RC3H1: variants seen among roughly 807,000 people sequenced by gnomAD.
RC3H1 encodes roquin-1.
In RC3H1, 50 loss-of-function variants were observed where a neutral mutation model predicts 138.2. That is an observed-to-expected ratio of 0.36 (90% confidence interval 0.29 to 0.46). The LOEUF (loss-of-function observed/expected upper bound fraction) is 0.46, where lower values mean the gene tolerates loss of function less well. Among genes scored for constraint, RC3H1 ranks in the 20% least tolerant of loss-of-function variants. The probability of loss-of-function intolerance (pLI) is 1.00; values close to 1 mark genes in which losing one functional copy is unlikely to be tolerated. For missense variants in RC3H1, 1,031 were observed against 1,388.1 expected (o/e 0.74, Z 4.09); for synonymous variants, 462 against 489.1 (o/e 0.94, Z 0.73).
chr1:173,998,319 A>T (rs913150863), intron 1 of RC3H1, among the ~76,000 whole-genome samples: 17 of 152,174 alleles, frequency 1.1e-4, no homozygotes, highest in Non-Finnish European at 2.4e-4. Context: ...TTCCAAAAAG[A>T]TTCAAAAGAG....
intron 1 of RC3H1, among the ~76,000 whole-genome samples, chr1:174,017,305 G>A (rs1471474885): frequency 6.6e-6 from 1 of 152,184 alleles, no homozygotes; most frequent in Non-Finnish European, 1.5e-5. Context: ...ATGAGTCTAA[G>A]AGTTTGAGCA....
chr1:174,016,348 A>T (rs1038141702), intron 1 of RC3H1: 1 of 151,938 alleles, frequency 6.6e-6, no homozygotes, highest in East Asian at 1.9e-4. Context: ...AAAAAATTAC[A>T]GAAAACCAGA....
rs565586576 is a variant in RC3H1 at position 173,935,473 on chromosome 1, T to C, written c.*3248A>G. On this transcript the variant is annotated 3_prime_UTR_variant, in exon 20 of 20. Coordinates refer to ENST00000367696, the MANE Select transcript of RC3H1 (RefSeq NM_172071.4). ...GATATCTGATTTTTGCTTTGGAATT[T>C]AGTGAAATACAAATAAAGTAATATT... 92 of 152,308 alleles carry C rather than the reference T, an allele frequency of 6.0e-4. No homozygotes were observed. Among genetic ancestry groups the C allele is most frequent in the African/African-American group, 2.2e-3 (91 of 41,570 alleles). The allele number at this position is 152,308 out of a possible 1,614,324, so 9.4% of individuals were successfully genotyped here.
At chr1:173,978,143 T>C (rs1302335427) in intron 7 of RC3H1, among the ~76,000 whole-genome samples, 1 of 151,892 alleles carries the variant, frequency 6.6e-6, no homozygotes, top group Admixed American at 6.6e-5. Flanking sequence ...CAACTAAGGA[T>C]ACATAATACA....
At chr1:173,973,534 CAAAA>C (rs558441818) in intron 7 of RC3H1, among the ~76,000 whole-genome samples, 1 of 89,992 alleles carries the variant, frequency 1.1e-5, no homozygotes. Flanking sequence ...AACTCCATCT[CAAAA>C]AAAAAAAAAA....
intron 1 of RC3H1, 58 bp from the exon 2 acceptor site, chr1:173,993,193 A>T: frequency 1.8e-6 from 1 of 551,796 alleles, no homozygotes; most frequent in Non-Finnish European, 3.2e-6. Flanking sequence ...TAAACTGTTG[A>T]AAAAGAACCA....
At chr1:173,955,578 CA>C (rs1659606403) in intron 13 of RC3H1, among the ~76,000 whole-genome samples, 2 of 151,844 alleles carry the variant, frequency 1.3e-5, no homozygotes, top group South Asian at 2.1e-4. Context: ...TGTAGCCTCC[CA>C]AAGTGCTGGG....
chr1:173,993,246 T>G (rs904793852), intron 1 of RC3H1, 111 bp from the exon 2 acceptor site: 11 of 449,438 alleles, frequency 2.4e-5, no homozygotes, highest in Non-Finnish European at 4.4e-5. Context: ...CACATTTGTA[T>G]CACTGTAATC....
chr1:173,955,896 C>T (rs1055344788), intron 13 of RC3H1, among the ~76,000 whole-genome samples: 3 of 151,938 alleles, frequency 2.0e-5, no homozygotes, highest in Non-Finnish European at 2.9e-5. Context: ...TTTGGGAGGC[C>T]GAGGTGGCTA....
At position 173,980,883 on chromosome 1, in the gene RC3H1, C is replaced by A; in HGVS notation, c.895G>T (p.Ala299Ser). The A allele has an allele frequency of 6.2e-7, 1 of 1,614,096 alleles. No homozygotes were observed. The change falls in exon 6 of 20, where the codon GCA becomes TCA. Residue 299 changes from alanine (A) to serine (S), a missense_variant. By Grantham distance (99) the Ala-to-Ser change is moderately conservative (BLOSUM62 1). Transcript: ENST00000367696. Reference sequence around the variant, plus strand: ...AGCAAAGAGGACCACTGGTCCGGTGCAATTCGTAAGCCTGCTTCCATAGCA... The same window carrying A: ...AGCAAAGAGGACCACTGGTCCGGTGAAATTCGTAAGCCTGCTTCCATAGCA... ...QIAMEAGLRIAPDQWSSLLYG... is the reference protein window; with the variant it reads ...QIAMEAGLRISPDQWSSLLYG...
chr1:173,997,000 C>T (rs1166496385), intron 1 of RC3H1, among the ~76,000 whole-genome samples: 1 of 151,956 alleles, frequency 6.6e-6, no homozygotes, highest in East Asian at 1.9e-4. Flanking sequence ...GAGGTGGAGA[C>T]AGGTGGATCT....
Position 174,022,149 on chromosome 1 carries a change from CACCGCCGCGGCA to C in RC3H1, c.-216_-205del, listed in dbSNP as rs1661979847. 7.6e-6 allele frequency: 3 copies of C among 396,100 alleles called. No homozygotes were observed. The highest frequency in any genetic ancestry group is 1.3e-3 in the Middle Eastern group (2 of 1,600). 24.5% of individuals were successfully genotyped at this position (396,100 alleles called of 1,614,324 possible). A position where few individuals can be genotyped will look rare whatever the true frequency, so the allele number is the denominator to read the frequency against. On this transcript the variant is annotated 5_prime_UTR_variant, in exon 1 of 20. Coordinates refer to ENST00000367696, the MANE Select transcript of RC3H1 (RefSeq NM_172071.4). The surrounding 1 kb of genome is among the most constrained non-coding windows in gnomAD (Gnocchi z 4.2). Reference sequence around the variant, plus strand: ...AGCTCCGAGTCCCCGCGGCCGTCGCCACCGCCGCGGCAGCCGCCGCCGCCGCCGAGGCCACCG... The same window carrying C: ...AGCTCCGAGTCCCCGCGGCCGTCGCCGCCGCCGCCGCCGCCGAGGCCACCG...
At chr1:173,996,352 A>C (rs1041672309) in intron 1 of RC3H1, among the ~76,000 whole-genome samples, 1 of 152,208 alleles carries the variant, frequency 6.6e-6, no homozygotes, top group African/African-American at 2.4e-5. Flanking sequence ...GAACCCTTAC[A>C]TATTAGTCTA....
At chr1:173,965,974 T>C (rs1333880305) in intron 9 of RC3H1, among the ~76,000 whole-genome samples, 1 of 151,930 alleles carries the variant, frequency 6.6e-6, no homozygotes, top group Non-Finnish European at 1.5e-5. Context: ...AACCTTGTCT[T>C]TACCAAAAAT....
Position 173,978,536 on chromosome 1 carries a change from G to A in RC3H1, c.1054C>T (p.Arg352Ter), listed in dbSNP as rs772555519. The A allele has an allele frequency of 6.2e-7, 1 of 1,614,012 alleles. No homozygotes were observed. Among genetic ancestry groups the A allele is most frequent in the Non-Finnish European group, 8.5e-7 (1 of 1,179,962 alleles). Residue 352 changes from arginine (R) to a stop codon, truncating the protein, a stop_gained, in exon 7 of 20, where the codon CGA becomes TGA. Transcript: ENST00000367696. LOFTEE classifies it high-confidence loss of function. ...AACAGCTCCAAATGGGGTCTTAGTC[G>A]GTTCAAGTTTGCTGGGTCTCCAGTT... ...QRTGDPANLN[R>*]LRPHLELLAN... is the part of the protein sequence containing the mutation.
chr1:173,975,711 A>G (rs1660547009), intron 7 of RC3H1, among the ~76,000 whole-genome samples: 4 of 67,130 alleles, frequency 6.0e-5, no homozygotes, highest in Middle Eastern at 9.6e-3. Context: ...ATCCTGGCTA[A>G]CAAGGTGAAA....
In RC3H1 at chr1:173,934,510, AG is replaced by A. The variant is rs1557911834; in HGVS notation, c.*4210del. On this transcript the variant is annotated 3_prime_UTR_variant, in exon 20 of 20. Transcript: ENST00000367696. ...GTACAATCAACTCACAAATACTAAA[AG>A]GTTTCATGATCAAAATGGCTACTAC... The A allele has an allele frequency of 1.3e-5, 2 of 152,210 alleles. No individual in the cohort carries two copies. The highest frequency in any genetic ancestry group is 4.8e-5 in the African/African-American group (2 of 41,446). 9.4% of individuals were successfully genotyped at this position (152,210 alleles called of 1,614,324 possible).
chr1:173,987,262 A>G (rs1160429806), intron 2 of RC3H1, among the ~76,000 whole-genome samples: 1 of 152,182 alleles, frequency 6.6e-6, no homozygotes, highest in Admixed American at 6.5e-5. Context: ...ATATCTATGT[A>G]ATTAATTTGG....
chr1:174,006,291 T>G (rs908568812), intron 1 of RC3H1, among the ~76,000 whole-genome samples: 1 of 152,218 alleles, frequency 6.6e-6, no homozygotes, highest in African/African-American at 2.4e-5. Context: ...CAAGTTATAC[T>G]TTTTTACCTA....
Sources: gnomAD v4.1 joint callset for allele counts (sites outside exome capture counted in the v4.1 genomes callset) on GRCh38, gnomAD v4.1.1 for gene constraint, Gnocchi (gnomAD v3.1) non-coding constraint, MANE v1.5 for transcripts, NCBI Gene and HGNC (gene_info 2026-07-23, HGNC 2026-07-21) for gene names.